CLPTM1: variants seen among roughly 807,000 people sequenced by gnomAD.
The protein encoded by CLPTM1 is CLPTM1 regulator of GABA type A receptor forward trafficking.
A neutral mutation model predicts 77.3 loss-of-function variants in CLPTM1; 21 were observed. That is an observed-to-expected ratio of 0.27 (90% CI 0.19 to 0.39). The LOEUF (loss-of-function observed/expected upper bound fraction) is 0.39. CLPTM1 is among the 10% of genes least tolerant of loss of function. The pLI is 1.00. For missense variants in CLPTM1, 642 were observed against 921.2 expected, an observed-to-expected ratio of 0.70 and a Z score of 3.92; for synonymous variants, 373 against 381.0, an observed-to-expected ratio of 0.98 and a Z score of 0.24.
At chr19:44,988,866 A>G (rs1971024309) in intron 9 of CLPTM1, among the ~76,000 whole-genome samples, 1 of 152,198 alleles carries the variant, frequency 6.6e-6, no homozygotes, top group South Asian at 2.1e-4. Flanking sequence ...AAGAGGAATG[A>G]GTAGTAGTAT....
intron 2 of CLPTM1, among the ~76,000 whole-genome samples, chr19:44,969,146 C>T (rs1308195202): frequency 1.3e-5 from 2 of 152,178 alleles, no homozygotes; most frequent in Admixed American, 6.6e-5. Context: ...TGGGTATGCA[C>T]CAGGCTCCAT....
chr19:44,955,674 A>G, intron 1 of CLPTM1: 1 of 425,148 alleles, frequency 2.4e-6, no homozygotes. Context: ...GTTCCCCTGC[A>G]CGCTCGAGCC....
intron 2 of CLPTM1, among the ~76,000 whole-genome samples, chr19:44,963,007 AG>A (rs1282489404): frequency 6.6e-6 from 1 of 151,612 alleles, no homozygotes; most frequent in Non-Finnish European, 1.5e-5. Context: ...CCTGGGCAAC[AG>A]AGAAAGACTC....
At chr19:44,962,601 C>T (rs761922457) in intron 2 of CLPTM1, among the ~76,000 whole-genome samples, 21 of 152,086 alleles carry the variant, frequency 1.4e-4, no homozygotes, top group Non-Finnish European at 2.9e-4. Flanking sequence ...GCTTAGTACC[C>T]ACCATAATGA....
Position 44,973,099 on chromosome 19 carries a change from C to A in CLPTM1, c.198C>A (p.Ile66=). ...IKGVLFRIFI[I]WAISSWFRRG... ...CTTCTCTCCTCAGGATCTTCATCAT[C>A]TGGGCCATCAGCAGTTGGTTCCGCC... The change falls in exon 3 of 14, where the codon ATC becomes ATA. Residue 66 remains isoleucine (I), a synonymous_variant. Transcript: ENST00000337392. 6.2e-7 allele frequency: 1 copy of A among 1,613,876 alleles called. No individual in the cohort carries two copies. Among genetic ancestry groups the A allele is most frequent in the East Asian group, 2.2e-5 (1 of 44,878 alleles).
chr19:44,979,116 A>T (rs180926106), intron 5 of CLPTM1, among the ~76,000 whole-genome samples: 1 of 151,840 alleles, frequency 6.6e-6, no homozygotes, highest in East Asian at 1.9e-4. Context: ...AATAGCTGGG[A>T]CTACAGGCAC....
Position 44,991,261 on chromosome 19 carries a change from G to T in CLPTM1, c.1443G>T (p.Trp481Cys). 6.2e-7 allele frequency: 1 copy of T among 1,614,050 alleles called. No individual in the cohort carries two copies. ...YDDMAFRYLS[W>C]ILFPLLGCYA... Reference sequence around the variant, plus strand: ...AGATGGCATTCCGGTACCTGTCCTGGATCCTCTTCCCGCTCCTGGGCTGCT... The same window carrying T: ...AGATGGCATTCCGGTACCTGTCCTGTATCCTCTTCCCGCTCCTGGGCTGCT... Residue 481 changes from tryptophan (W) to cysteine (C), a missense_variant, in exon 12 of 14, where the codon TGG becomes TGT. By Grantham distance (215) the Trp-to-Cys change is radical (BLOSUM62 -2). Around this residue, in one of 2 missense-constraint regions of CLPTM1, gnomAD observed 521 missense variants for 800.4 expected, o/e 0.65. Coordinates refer to ENST00000337392, the MANE Select transcript of CLPTM1 (RefSeq NM_001294.4). The surrounding 1 kb of genome is among the most constrained non-coding windows in gnomAD (Gnocchi z 5.4).
rs10420691 is a variant in CLPTM1 at position 44,986,781 on chromosome 19, C to T, written c.793+206C>T. On this transcript the variant is annotated intron_variant, in intron 7 of 13. Coordinates refer to ENST00000337392, the MANE Select transcript of CLPTM1 (RefSeq NM_001294.4). ...GGGGACCCCAGGACTGACTTCTACA[C>T]GCCAGCATCGGTCCGCAATCAAGTG... 2,136 of 602,164 alleles carry T rather than the reference C, an allele frequency of 3.5e-3. 16 individuals carry two copies. The highest frequency in any genetic ancestry group is 0.021 in the African/African-American group (1,139 of 54,120). The allele number at this position is 602,164 out of a possible 1,614,324, so 37.3% of individuals were successfully genotyped here. A position where few individuals can be genotyped will look rare whatever the true frequency, so the allele number is the denominator to read the frequency against.
chr19:44,982,541 C>T (rs1970915499), intron 5 of CLPTM1, among the ~76,000 whole-genome samples: 1 of 152,208 alleles, frequency 6.6e-6, no homozygotes, highest in African/African-American at 2.4e-5. Flanking sequence ...GGTCTGGATG[C>T]CTCCAAGCTG....
At chr19:44,975,512 T>C (rs1970792214) in intron 4 of CLPTM1, among the ~76,000 whole-genome samples, 1 of 152,110 alleles carries the variant, frequency 6.6e-6, no homozygotes, top group Non-Finnish European at 1.5e-5. Context: ...GTTCTATTTC[T>C]GTCTGGGTAG....
chr19:44,993,243 C>T lies in CLPTM1; in HGVS notation c.*346C>T. ...CGGGATGCCCACGGCCGTTCATCATCTTGTCCCTCGTCCCCCTACCACACT... is the reference window on the plus strand; with the variant it reads ...CGGGATGCCCACGGCCGTTCATCATTTTGTCCCTCGTCCCCCTACCACACT... On this transcript the variant is annotated 3_prime_UTR_variant, in exon 14 of 14. Transcript: ENST00000337392. 1.9e-6 allele frequency: 1 copy of T among 517,610 alleles called. No individual in the cohort carries two copies. The highest frequency in any genetic ancestry group is 1.9e-5 in the African/African-American group (1 of 52,928). 32.1% of individuals were successfully genotyped at this position (517,610 alleles called of 1,614,324 possible). A position where few individuals can be genotyped will look rare whatever the true frequency, so the allele number is the denominator to read the frequency against.
intron 2 of CLPTM1, among the ~76,000 whole-genome samples, chr19:44,970,659 C>T (rs1469124829): frequency 1.4e-5 from 2 of 145,902 alleles, no homozygotes; most frequent in African/African-American, 5.4e-5. Context: ...AGCCTCCCAG[C>T]GTGCTGGGGT....
chr19:44,961,707 G>A (rs531644213), intron 1 of CLPTM1, among the ~76,000 whole-genome samples: 16 of 152,154 alleles, frequency 1.1e-4, no homozygotes, highest in South Asian at 4.1e-4. Flanking sequence ...CTCCCCCACC[G>A]GGCTGTTAAA....
chr19:44,974,141 T>C (rs949388390), intron 3 of CLPTM1, among the ~76,000 whole-genome samples: 1 of 152,046 alleles, frequency 6.6e-6, no homozygotes, highest in African/African-American at 2.4e-5. Context: ...CCAGCAGCCA[T>C]GAGGGCAGGA....
intron 6 of CLPTM1, among the ~76,000 whole-genome samples, chr19:44,985,605 C>T (rs1381615575): frequency 6.6e-6 from 1 of 152,198 alleles, no homozygotes; most frequent in Admixed American, 6.5e-5. Flanking sequence ...CCGGAAGTGG[C>T]AGGCCAGGGA....
At chr19:44,954,785 G>C, upstream of CLPTM1, 1 of 1,335,410 alleles carries the variant, frequency 7.5e-7, no homozygotes, top group African/African-American at 1.5e-5. Context: ...CTCATCGGAG[G>C]TTTGTTGGCC....
At chr19:44,977,302 C>A in intron 4 of CLPTM1, 41 bp from the exon 5 acceptor site, 1 of 1,460,456 alleles carries the variant, frequency 6.8e-7, no homozygotes, top group Non-Finnish European at 9.5e-7. Flanking sequence ...TCCCTCACCC[C>A]AGTTGCCCAG....
upstream of CLPTM1, chr19:44,955,318 TG>T: frequency 7.3e-7 from 1 of 1,371,718 alleles, no homozygotes; most frequent in Non-Finnish European, 9.4e-7. Flanking sequence ...TAGGAAAGCG[TG>T]AAATCTCGCG....
chr19:44,968,439 A>G (rs1970668263), intron 2 of CLPTM1, among the ~76,000 whole-genome samples: 1 of 152,174 alleles, frequency 6.6e-6, no homozygotes, highest in Non-Finnish European at 1.5e-5. Flanking sequence ...TATATTTAAA[A>G]ATGTTCTGAA....
Sources: gnomAD v4.1 joint callset for allele counts (sites outside exome capture counted in the v4.1 genomes callset) on GRCh38, gnomAD v4.1.1 for gene constraint, gnomAD v4.1.1 regional missense constraint, Gnocchi (gnomAD v3.1) non-coding constraint, MANE v1.5 for transcripts, NCBI Gene and HGNC (gene_info 2026-07-23, HGNC 2026-07-21) for gene names.